LY96: variants seen among roughly 807,000 people sequenced by gnomAD.
LY96 encodes the protein myeloid differentiation protein-2.
LY96 carries 18 observed loss-of-function variants against 18.9 expected under a neutral mutation model. The ratio of observed to expected loss-of-function variants is 0.95; its 90% CI spans 0.66 to 1.41. The LOEUF (loss-of-function observed/expected upper bound fraction) is 1.41. Ranked by LOEUF, LY96 falls within the 40% of genes most tolerant of loss-of-function variation. The probability of loss-of-function intolerance (pLI) is 0.00; values close to 1 mark genes in which losing one functional copy is unlikely to be tolerated. For synonymous variants in LY96, 66 were observed against 62.6 expected (o/e 1.06, Z -0.26); for missense variants, 175 against 182.4 (o/e 0.96, Z 0.23).
the LY96 span, among the ~76,000 whole-genome samples, chr8:74,087,975 C>T: frequency 1.3e-5 from 2 of 151,948 alleles, no homozygotes; most frequent in Non-Finnish European, 2.9e-5. Context: ...CCTTCAAGGA[C>T]AAATTCAAGT....
chr8:74,030,184 A>G (rs940352107), downstream of LY96, among the ~76,000 whole-genome samples: 34 of 152,166 alleles, frequency 2.2e-4, no homozygotes, highest in African/African-American at 8.0e-4. Context: ...TTTAAAGGGA[A>G]AGAAGAGGGA....
At chr8:74,025,310 A>G (rs1162298669) in intron 3 of LY96, among the ~76,000 whole-genome samples, 1 of 152,220 alleles carries the variant, frequency 6.6e-6, no homozygotes, top group Non-Finnish European at 1.5e-5. Context: ...TTATGAAGAC[A>G]TGATCACTTT....
chr8:74,044,857 G>A, the LY96 span, among the ~76,000 whole-genome samples: 1 of 152,202 alleles, frequency 6.6e-6, no homozygotes, highest in Admixed American at 6.5e-5. Context: ...TCAAGTTGAA[G>A]GATTTCTTTT....
At chr8:74,008,630 C>T (rs1404169521) in intron 2 of LY96, among the ~76,000 whole-genome samples, 2 of 151,860 alleles carry the variant, frequency 1.3e-5, no homozygotes, top group Non-Finnish European at 2.9e-5. Flanking sequence ...AATTCTAGTG[C>T]CAACTTGGTG....
At chr8:74,087,356 TG>T in the LY96 span, among the ~76,000 whole-genome samples, 9 of 152,318 alleles carry the variant, frequency 5.9e-5, no homozygotes, top group South Asian at 1.5e-3. Context: ...AGTGCCCAGT[TG>T]TATTTTATTG....
the LY96 span, among the ~76,000 whole-genome samples, chr8:74,081,119 T>TTCTTTC: frequency 1.4e-5 from 2 of 140,428 alleles, no homozygotes; most frequent in Admixed American, 1.4e-4. Flanking sequence ...CTTTCTTTCT[T>TTCTTTC]TCTTTCCTTC....
the LY96 span, among the ~76,000 whole-genome samples, chr8:74,090,065 C>T: frequency 1.3e-5 from 2 of 152,074 alleles, no homozygotes; most frequent in African/African-American, 2.4e-5. Context: ...GGTTTTAGAG[C>T]AGGGGAGGTT....
At chr8:74,016,364 C>T (rs144795202) in intron 3 of LY96, among the ~76,000 whole-genome samples, 4 of 152,180 alleles carry the variant, frequency 2.6e-5, no homozygotes, top group African/African-American at 4.8e-5. Flanking sequence ...CCTGAAAGCT[C>T]GAACTGGGTG....
intron 3 of LY96, among the ~76,000 whole-genome samples, chr8:74,019,441 C>CA (rs896305785): frequency 4.4e-4 from 67 of 151,908 alleles, no homozygotes; most frequent in African/African-American, 1.6e-3. Context: ...GCCTACCAAC[C>CA]AAAAAAAGTC....
At chr8:73,996,396 T>TTTCTGAGA (rs1563707965) in intron 1 of LY96, among the ~76,000 whole-genome samples, 3 of 42,250 alleles carry the variant, frequency 7.1e-5, no homozygotes, top group African/African-American at 1.1e-4. Flanking sequence ...TTTCTTTCTT[T>TTTCTGAGA]CTTTCTTTCT....
the LY96 span, among the ~76,000 whole-genome samples, chr8:74,094,968 T>G: frequency 6.6e-6 from 1 of 152,200 alleles, no homozygotes. Flanking sequence ...ACAGAGTTGA[T>G]AGAAAGAGCA....
the LY96 span, among the ~76,000 whole-genome samples, chr8:74,050,687 T>C: frequency 6.6e-6 from 1 of 152,138 alleles, no homozygotes; most frequent in Non-Finnish European, 1.5e-5. Context: ...CACCAAAACA[T>C]AATTACCACC....
the LY96 span, among the ~76,000 whole-genome samples, chr8:74,076,044 A>G: frequency 6.6e-6 from 1 of 151,996 alleles, no homozygotes; most frequent in Non-Finnish European, 1.5e-5. Context: ...GTGTCAGGCC[A>G]ATAGCTGGAC....
At chr8:74,078,299 TGGA>T in the LY96 span, among the ~76,000 whole-genome samples, 2 of 152,116 alleles carry the variant, frequency 1.3e-5, no homozygotes, top group African/African-American at 4.8e-5. Flanking sequence ...GATTTTCCTG[TGGA>T]GTGTGGCCAA....
chr8:74,093,315 C>T, the LY96 span, among the ~76,000 whole-genome samples: 1,206 of 152,296 alleles, frequency 7.9e-3, 9 homozygotes, highest in Admixed American at 0.014. Flanking sequence ...TGATGATCTC[C>T]TTTAGGAGGG....
chr8:74,088,089 AG>A, the LY96 span, among the ~76,000 whole-genome samples: 840 of 89,024 alleles, frequency 9.4e-3, 6 homozygotes, highest in African/African-American at 0.033. Flanking sequence ...AGAGAAGAAT[AG>A]AATAGAATAG....
the LY96 span, among the ~76,000 whole-genome samples, chr8:74,096,769 T>C: frequency 6.6e-6 from 1 of 152,194 alleles, no homozygotes; most frequent in Non-Finnish European, 1.5e-5. Flanking sequence ...TGGATGTTTG[T>C]TGAATGAATG....
the LY96 span, among the ~76,000 whole-genome samples, chr8:74,058,187 A>C: frequency 3.3e-5 from 5 of 152,168 alleles, no homozygotes; most frequent in African/African-American, 4.8e-5. Context: ...GAAAAAAAAA[A>C]ACTAAAATAT....
At chr8:74,089,051 C>A in the LY96 span, among the ~76,000 whole-genome samples, 1 of 152,140 alleles carries the variant, frequency 6.6e-6, no homozygotes, top group African/African-American at 2.4e-5. Flanking sequence ...GAGGAAAGAA[C>A]TGCTGGGAAC....
Sources: allele counts gnomAD v4.1 joint callset (sites outside exome capture counted in the v4.1 genomes callset), GRCh38; gene constraint gnomAD v4.1.1; transcripts MANE v1.5; gene names NCBI Gene and HGNC (gene_info 2026-07-23, HGNC 2026-07-21).